The following TBC1D4 variants were observed in gnomAD, a reference collection of about 807,000 sequenced individuals.
TBC1D4 encodes the protein TBC (Tre-2, BUB2, CDC16) domain-containing protein.
In TBC1D4, 121 loss-of-function variants were observed where a neutral mutation model predicts 142.5. The ratio of observed to expected loss-of-function variants is 0.85; its 90% CI spans 0.73 to 0.99. The LOEUF (loss-of-function observed/expected upper bound fraction) is 0.99. TBC1D4 is among the 50% of genes least tolerant of loss of function. The pLI is 0.00. For synonymous variants in TBC1D4, 630 were observed against 628.2 expected (o/e 1.00, Z -0.04); for missense variants, 1,475 against 1,606.6 (o/e 0.92, Z 1.40).
chr13:75,322,132 T>C (rs1222475072), intron 11 of TBC1D4, among the ~76,000 whole-genome samples: 3 of 152,220 alleles, frequency 2.0e-5, no homozygotes, highest in African/African-American at 7.2e-5. Flanking sequence ...TTGAGCTGTG[T>C]GCTTTCAATT....
In TBC1D4 at chr13:75,283,895, GTTGT is replaced by G. The variant is rs368208661; in HGVS notation, c.*2893_*2896del. 8.6e-5 allele frequency among the ~76,000 whole-genome samples: 13 copies of G among 151,984 alleles called. No homozygotes were observed. Among genetic ancestry groups the G allele is most frequent in the Non-Finnish European group, 1.3e-4 (9 of 67,948 alleles). On this transcript the variant is annotated 3_prime_UTR_variant, in exon 21 of 21. Coordinates refer to ENST00000377636, the MANE Select transcript of TBC1D4 (RefSeq NM_014832.5). ...AAACCATGCAGATCTTTTTTGTTTG[GTTGT>G]TTGTTTTTCTTTTTTTTTGTCAAAG...
chr13:75,312,424 A>AG (rs1555301658), intron 13 of TBC1D4, among the ~76,000 whole-genome samples: 1 of 136,016 alleles, frequency 7.4e-6, no homozygotes, highest in African/African-American at 3.2e-5. Context: ...GGGAAAAAAA[A>AG]AAAGAAAGAA....
intron 1 of TBC1D4, among the ~76,000 whole-genome samples, chr13:75,404,241 T>C (rs1395056642): frequency 6.6e-6 from 1 of 152,228 alleles, no homozygotes; most frequent in Non-Finnish European, 1.5e-5. Context: ...TTTTAAAAGA[T>C]GTATTTGACC....
chr13:75,314,326 A>AT (rs572947018), intron 12 of TBC1D4, among the ~76,000 whole-genome samples: 89 of 152,320 alleles, frequency 5.8e-4, no homozygotes, highest in Non-Finnish European at 1.1e-3. Context: ...TGAGGTCAGA[A>AT]ATAAAGCTCA....
At chr13:75,446,839 ATTT>A (rs200302498) in intron 1 of TBC1D4, among the ~76,000 whole-genome samples, 2 of 149,152 alleles carry the variant, frequency 1.3e-5, no homozygotes, top group South Asian at 2.1e-4. Flanking sequence ...AGTCCATATA[ATTT>A]TTTTTTTTAA....
At chr13:75,303,695 T>C (rs1383482244) in intron 15 of TBC1D4, among the ~76,000 whole-genome samples, 2 of 152,182 alleles carry the variant, frequency 1.3e-5, no homozygotes, top group African/African-American at 4.8e-5. Context: ...AAGCTGAAAG[T>C]ATTATTGTCC....
At chr13:75,453,681 G>A (rs1050599138) in intron 1 of TBC1D4, among the ~76,000 whole-genome samples, 1 of 152,100 alleles carries the variant, frequency 6.6e-6, no homozygotes, top group Non-Finnish European at 1.5e-5. Flanking sequence ...GGCCAACATG[G>A]CAAAACCCCG....
intron 1 of TBC1D4, among the ~76,000 whole-genome samples, chr13:75,369,874 C>T (rs1883131961): frequency 6.6e-6 from 1 of 152,022 alleles, no homozygotes. Flanking sequence ...AATTGCCTGC[C>T]TTCATGAAAT....
chr13:75,293,425 C>T (rs1222130076), intron 18 of TBC1D4, among the ~76,000 whole-genome samples: 1 of 151,974 alleles, frequency 6.6e-6, no homozygotes, highest in Non-Finnish European at 1.5e-5. Context: ...TGACAAAAAA[C>T]TGATACTGAG....
intron 18 of TBC1D4, among the ~76,000 whole-genome samples, chr13:75,293,983 T>A (rs1026659587): frequency 2.6e-5 from 4 of 152,234 alleles, no homozygotes; most frequent in Non-Finnish European, 5.9e-5. Flanking sequence ...GAATACTGAC[T>A]GCTTTGCCCA....
intron 9 of TBC1D4, among the ~76,000 whole-genome samples, chr13:75,327,310 C>T (rs575893746): frequency 2.0e-5 from 3 of 151,754 alleles, no homozygotes; most frequent in African/African-American, 4.8e-5. Flanking sequence ...TACTGCACTA[C>T]GCAGGAAACA....
At chr13:75,477,168 C>G (rs1209610549) in intron 1 of TBC1D4, among the ~76,000 whole-genome samples, 1 of 152,156 alleles carries the variant, frequency 6.6e-6, no homozygotes, top group Admixed American at 6.5e-5. Context: ...TCTTAGAAAG[C>G]ACAGAGAGGT....
chr13:75,327,604 ATCT>A, intron 9 of TBC1D4, 145 bp downstream of exon 9: 2 of 781,936 alleles, frequency 2.6e-6, no homozygotes, highest in Admixed American at 2.3e-5. Flanking sequence ...AATGCCTAGA[ATCT>A]TCTTAGTTAA....
intron 2 of TBC1D4, among the ~76,000 whole-genome samples, chr13:75,361,436 A>T (rs2138168531): frequency 6.6e-6 from 1 of 152,246 alleles, no homozygotes; most frequent in Non-Finnish European, 1.5e-5. Context: ...GCTCGAGTGC[A>T]GGGGGTCAAT....
chr13:75,389,694 T>C (rs1593830350), intron 1 of TBC1D4, among the ~76,000 whole-genome samples: 1 of 152,154 alleles, frequency 6.6e-6, no homozygotes, highest in East Asian at 1.9e-4. Context: ...TTTGATAAAA[T>C]TAGTCATATG....
chr13:75,463,092 A>G (rs1888035854), intron 1 of TBC1D4, among the ~76,000 whole-genome samples: 2 of 152,196 alleles, frequency 1.3e-5, no homozygotes, highest in South Asian at 4.1e-4. Context: ...AATAACCATC[A>G]GTCAAACACC....
chr13:75,331,540 T>C (rs934501481), intron 8 of TBC1D4, among the ~76,000 whole-genome samples: 1 of 152,028 alleles, frequency 6.6e-6, no homozygotes, highest in African/African-American at 2.4e-5. Flanking sequence ...ATATTTCTGT[T>C]TTGGAAAACA....
intron 1 of TBC1D4, among the ~76,000 whole-genome samples, chr13:75,379,262 GCACACACA>G (rs140885604): frequency 6.7e-6 from 1 of 148,990 alleles, no homozygotes; most frequent in Non-Finnish European, 1.5e-5. Flanking sequence ...ATACACACAT[GCACACACA>G]CACACACACA....
chr13:75,341,799 G>C (rs147739947), intron 5 of TBC1D4, among the ~76,000 whole-genome samples: 1 of 152,192 alleles, frequency 6.6e-6, no homozygotes, highest in African/African-American at 2.4e-5. Flanking sequence ...ACAGCCCCCA[G>C]TAGTGATCTT....
Sources: allele counts gnomAD v4.1 joint callset (sites outside exome capture counted in the v4.1 genomes callset), GRCh38; gene constraint gnomAD v4.1.1; transcripts MANE v1.5; gene names NCBI Gene and HGNC (gene_info 2026-07-23, HGNC 2026-07-21).